CPNE8: variants seen among roughly 807,000 people sequenced by gnomAD.
CPNE8 encodes the protein copine 8.
Under a neutral mutation model 81.5 loss-of-function variants are expected in CPNE8, and 45 were observed. The ratio of observed to expected loss-of-function variants is 0.55; its 90% confidence interval spans 0.44 to 0.71. The LOEUF is 0.71. Among genes scored for constraint, CPNE8 ranks in the 30% least tolerant of loss-of-function variants. The pLI, the probability that CPNE8 is intolerant of heterozygous loss-of-function variation, is 0.00. For missense variants in CPNE8, 594 were observed against 672.1 expected (o/e 0.88, Z 1.28); for synonymous variants, 252 against 226.3 (o/e 1.11, Z -1.02).
chr12:38,686,540 A>C (rs1342114534), intron 15 of CPNE8, among the ~76,000 whole-genome samples: 2 of 152,320 alleles, frequency 1.3e-5, no homozygotes, highest in East Asian at 3.9e-4. Flanking sequence ...ATTACCCCCA[A>C]AGTTATACCC....
At chr12:38,793,446 G>T (rs1161874426) in intron 6 of CPNE8, among the ~76,000 whole-genome samples, 1 of 150,980 alleles carries the variant, frequency 6.6e-6, no homozygotes, top group East Asian at 1.9e-4. Flanking sequence ...ATAATGAAAA[G>T]GAAATTAAGA....
At chr12:38,824,722 T>A (rs1943162503) in intron 6 of CPNE8, among the ~76,000 whole-genome samples, 1 of 152,178 alleles carries the variant, frequency 6.6e-6, no homozygotes, top group Non-Finnish European at 1.5e-5. Context: ...ACAAGAAGAC[T>A]TTAAATTCAT....
rs2091038 is a variant in CPNE8 at position 38,792,396 on chromosome 12, G to A, written c.408-16095C>T. Among the ~76,000 whole-genome samples the A allele has an allele frequency of 4.0e-5, 6 of 148,694 alleles. No individual in the cohort carries two copies. In the South Asian group the frequency reaches 8.4e-4, roughly 21 times the overall value. ...AAATAACAAAATCAGATGAAAGAGG[G>A]GACAATACAACTGATGCTGCAGAAA... On this transcript the variant is annotated intron_variant, in intron 6 of 19. Coordinates refer to ENST00000331366, the MANE Select transcript of CPNE8 (RefSeq NM_153634.3).
At chr12:38,899,471 G>C (rs1261815844) in intron 1 of CPNE8, among the ~76,000 whole-genome samples, 1 of 152,168 alleles carries the variant, frequency 6.6e-6, no homozygotes, top group Non-Finnish European at 1.5e-5. Flanking sequence ...AATGTATGAT[G>C]TTAATAAGCC....
chr12:38,837,248 A>G (rs1943397966), intron 5 of CPNE8, among the ~76,000 whole-genome samples: 2 of 147,150 alleles, frequency 1.4e-5, no homozygotes, highest in Non-Finnish European at 3.1e-5. Context: ...TGACACAGAA[A>G]GTGGTTAACC....
intron 13 of CPNE8, among the ~76,000 whole-genome samples, chr12:38,706,481 A>G (rs936704470): frequency 6.6e-6 from 1 of 152,170 alleles, no homozygotes; most frequent in Non-Finnish European, 1.5e-5. Flanking sequence ...ATGATAAAAA[A>G]ATCTGGATAT....
chr12:38,813,897 T>G (rs1280466782), intron 6 of CPNE8, among the ~76,000 whole-genome samples: 3 of 152,044 alleles, frequency 2.0e-5, no homozygotes, highest in African/African-American at 7.3e-5. Flanking sequence ...GGTCAAGATT[T>G]CCAATAGCCA....
intron 7 of CPNE8, among the ~76,000 whole-genome samples, chr12:38,774,673 C>A (rs763966808): frequency 6.6e-6 from 1 of 151,384 alleles, no homozygotes; most frequent in Non-Finnish European, 1.5e-5. Context: ...CCTTCAAATA[C>A]GAAAAGTAAA....
chr12:38,833,370 AAAG>A (rs1227955487), intron 5 of CPNE8, among the ~76,000 whole-genome samples: 25 of 151,066 alleles, frequency 1.7e-4, no homozygotes, highest in Non-Finnish European at 3.1e-4. Flanking sequence ...AAAAAAAAAA[AAAG>A]AAAAGAAAAG....
At chr12:38,871,336 G>C (rs894764815) in intron 3 of CPNE8, among the ~76,000 whole-genome samples, 1 of 152,254 alleles carries the variant, frequency 6.6e-6, no homozygotes, top group East Asian at 1.9e-4. Context: ...TCCTTATCCT[G>C]GTTACTTTTT....
chr12:38,904,077 T>A (rs1200935522), intron 1 of CPNE8, among the ~76,000 whole-genome samples: 3 of 152,154 alleles, frequency 2.0e-5, no homozygotes, highest in Non-Finnish European at 4.4e-5. Context: ...GCTCAGTTTG[T>A]GAAAATGCAA....
intron 5 of CPNE8, among the ~76,000 whole-genome samples, chr12:38,830,977 T>C (rs1943276971): frequency 6.6e-6 from 1 of 152,038 alleles, no homozygotes; most frequent in South Asian, 2.1e-4. Flanking sequence ...AAGTAAAAAC[T>C]ATGTTCTTCA....
At chr12:38,736,657 T>C (rs1372999522) in intron 10 of CPNE8, among the ~76,000 whole-genome samples, 4 of 152,042 alleles carry the variant, frequency 2.6e-5, no homozygotes, top group African/African-American at 7.2e-5. Flanking sequence ...ACACCTTTAA[T>C]TCAATTTCTA....
chr12:38,730,015 G>A (rs1457771168), intron 11 of CPNE8, among the ~76,000 whole-genome samples: 1 of 151,818 alleles, frequency 6.6e-6, no homozygotes, highest in Non-Finnish European at 1.5e-5. Context: ...AAAACATAAA[G>A]GCTGAAGCTT....
chr12:38,710,194 A>T (rs1940214456), intron 13 of CPNE8, among the ~76,000 whole-genome samples: 1 of 144,468 alleles, frequency 6.9e-6, no homozygotes, highest in Non-Finnish European at 1.5e-5. Context: ...CTTATCAAAA[A>T]GGTATGCAAA....
rs549181161 is a variant in CPNE8, at chr12:38,674,537, C to T, written c.1432+1180G>A. Among the ~76,000 whole-genome samples, 32 of 152,224 alleles carry T rather than the reference C, an allele frequency of 2.1e-4. No homozygotes were observed. In the South Asian group the frequency reaches 6.4e-3, roughly 31 times the overall value. ...TGGAGAGGAAAGATGTCTTAGCCTT[C>T]CTGTCTCCAGAGAGGTATCTGAAAT... On this transcript the variant is annotated intron_variant, in intron 18 of 19. Transcript: ENST00000331366.
chr12:38,656,907 G>A (rs577342992), intron 19 of CPNE8, among the ~76,000 whole-genome samples: 24 of 152,260 alleles, frequency 1.6e-4, no homozygotes, highest in African/African-American at 4.3e-4. Context: ...TTTCAGGTCC[G>A]TTCCAAGATG....
intron 13 of CPNE8, among the ~76,000 whole-genome samples, chr12:38,707,964 GA>G (rs376817126): frequency 1.5e-4 from 23 of 152,232 alleles, no homozygotes; most frequent in African/African-American, 5.3e-4. Context: ...TGAACTCACA[GA>G]GCAAAACTCC....
intron 3 of CPNE8, among the ~76,000 whole-genome samples, chr12:38,860,385 C>CA (rs36025286): frequency 0.11 from 12,533 of 111,226 alleles, 1,700 homozygotes; most frequent in African/African-American, 0.35. Flanking sequence ...TGGCTATTAT[C>CA]AAAAAAAAAA....
Sources: gnomAD v4.1 joint callset for allele counts (sites outside exome capture counted in the v4.1 genomes callset) on GRCh38, gnomAD v4.1.1 for gene constraint, MANE v1.5 for transcripts, NCBI Gene and HGNC (gene_info 2026-07-23, HGNC 2026-07-21) for gene names.